Variants in SIK3 observed in about 807,000 individuals in gnomAD.
SIK3 encodes the protein SIK family kinase 3.
SIK3 carries 28 observed loss-of-function variants against 144.2 expected under a neutral mutation model. That is an observed-to-expected ratio of 0.19 (90% CI 0.14 to 0.27). The LOEUF (loss-of-function observed/expected upper bound fraction) is 0.27, where lower values mean the gene tolerates loss of function less well. Ranked by LOEUF, SIK3 falls within the 10% of genes least tolerant of loss-of-function variation. SIK3 has a pLI of 1.00. For missense variants in SIK3, 1,319 were observed against 1,776.0 expected (o/e 0.74, Z 4.62); for synonymous variants, 686 against 676.3 (o/e 1.01, Z -0.22).
chr11:117,041,028 T>G (rs1952720380), intron 1 of SIK3, among the ~76,000 whole-genome samples: 1 of 149,482 alleles, frequency 6.7e-6, no homozygotes, highest in Non-Finnish European at 1.5e-5. Context: ...TATTATTAAC[T>G]ATAGCCCTCA....
intron 1 of SIK3, among the ~76,000 whole-genome samples, chr11:117,006,669 A>T (rs1411361456): frequency 6.6e-6 from 1 of 152,118 alleles, no homozygotes; most frequent in South Asian, 2.1e-4. Context: ...AAGAAAAAAA[A>T]GATCTTCACA....
chr11:117,046,015 T>G (rs1441790899), intron 1 of SIK3, among the ~76,000 whole-genome samples: 1 of 152,244 alleles, frequency 6.6e-6, no homozygotes, highest in East Asian at 1.9e-4. Flanking sequence ...CAGTCTAATG[T>G]TTTTTATGAT....
At chr11:116,857,562 A>G in intron 21 of SIK3, 1 of 546,566 alleles carries the variant, frequency 1.8e-6, no homozygotes, top group African/African-American at 1.9e-5. Flanking sequence ...CTGTGGTATG[A>G]ATAAGGGAAA....
At chr11:116,999,013 A>T (rs1950763990) in intron 1 of SIK3, among the ~76,000 whole-genome samples, 1 of 152,240 alleles carries the variant, frequency 6.6e-6, no homozygotes, top group Non-Finnish European at 1.5e-5. Flanking sequence ...CCTCAAGAAC[A>T]AAGGTATATA....
chr11:116,953,716 G>A (rs1015271922), intron 3 of SIK3, among the ~76,000 whole-genome samples: 5 of 152,184 alleles, frequency 3.3e-5, no homozygotes, highest in African/African-American at 4.8e-5. Flanking sequence ...GAGTTCTGTC[G>A]CACTTGGTAA....
chr11:117,045,648 T>C (rs1952930494), intron 1 of SIK3, among the ~76,000 whole-genome samples: 1 of 152,230 alleles, frequency 6.6e-6, no homozygotes, highest in Non-Finnish European at 1.5e-5. Flanking sequence ...GTAGAGGAAA[T>C]TCTCTTTTTA....
intron 1 of SIK3, among the ~76,000 whole-genome samples, chr11:117,004,153 G>T (rs1232032346): frequency 1.3e-5 from 2 of 152,166 alleles, no homozygotes; most frequent in African/African-American, 4.8e-5. Context: ...TCTGAACTAA[G>T]ACAGGACTGA....
At position 116,868,301 on chromosome 11, in the gene SIK3, C is replaced by T. The variant is rs564112829; in HGVS notation, c.1809-212G>A. 2.6e-5 allele frequency among the ~76,000 whole-genome samples: 4 copies of T among 152,306 alleles called. No homozygotes were observed. The South Asian group carries it at 8.3e-4, about 32-fold the overall frequency. ...GACAATGAAGTGGCTGAATTTTGAA[C>T]CTAAGAATAGCCATTGAAGAGAAGA... On this transcript the variant is annotated intron_variant, in intron 14 of 24. Transcript: ENST00000445177.
chr11:117,023,621 A>AAAAAAAATATAT (rs754624841), intron 1 of SIK3, among the ~76,000 whole-genome samples: 20 of 95,406 alleles, frequency 2.1e-4, no homozygotes, highest in African/African-American at 8.3e-4. Context: ...AAAAAAAAAA[A>AAAAAAAATATAT]ATATATATAT....
chr11:116,862,350 A>G (rs771968319), intron 16 of SIK3, 23 bp from the exon 17 acceptor site: 6 of 1,613,946 alleles, frequency 3.7e-6, no homozygotes, highest in Non-Finnish European at 5.1e-6. Context: ...TAGTTAATAC[A>G]GATGGGATGC....
chr11:116,858,236 T>A lies in SIK3; in HGVS notation c.3229A>T (p.Ser1077Cys). ...FRHMNQGDAG[S>C]LAPSLGGQSM... ...TGTCCCCCAAGGCTGGGAGCCAGACTCCCCGCATCCCCTTGGTTCATGTGC... is the reference window on the plus strand; with the variant it reads ...TGTCCCCCAAGGCTGGGAGCCAGACACCCCGCATCCCCTTGGTTCATGTGC... The change falls in exon 21 of 25, where the codon AGT becomes TGT. Residue 1077 changes from serine to cysteine, a missense_variant. Physicochemically the swap from Ser to Cys is moderately radical, Grantham distance 112. Coordinates refer to ENST00000445177, the MANE Select transcript of SIK3 (RefSeq NM_001366686.3). This position sits in a 1 kb window ranked among gnomAD's most constrained non-coding sequence, Gnocchi z 5.4. 6.2e-7 allele frequency: 1 copy of A among 1,614,060 alleles called. No homozygotes were observed. Among genetic ancestry groups the A allele is most frequent in the Non-Finnish European group, 8.5e-7 (1 of 1,179,968 alleles).
chr11:117,048,715 C>T lies in SIK3; in HGVS notation c.273+49428G>A, dbSNP rs577600445. ...ACCAACTTCTTTCTCCCAGTATCTA[C>T]TAAGAAAGGTCTATGCGGTACATAT... On this transcript the variant is annotated intron_variant, in intron 1 of 24. Coordinates refer to ENST00000445177, the MANE Select transcript of SIK3 (RefSeq NM_001366686.3). 9.1e-4 allele frequency among the ~76,000 whole-genome samples: 139 copies of T among 152,210 alleles called. 1 individual carries two copies. Among genetic ancestry groups the T allele is most frequent in the African/African-American group, 3.2e-3 (133 of 41,534 alleles).
At chr11:117,047,095 T>C (rs1469128658) in intron 1 of SIK3, among the ~76,000 whole-genome samples, 1 of 152,238 alleles carries the variant, frequency 6.6e-6, no homozygotes, top group Non-Finnish European at 1.5e-5. Flanking sequence ...CATACTTTCC[T>C]TAATGAAAAC....
At chr11:117,087,804 C>T (rs764646301) in intron 1 of SIK3, among the ~76,000 whole-genome samples, 6 of 151,918 alleles carry the variant, frequency 3.9e-5, no homozygotes, top group Non-Finnish European at 8.8e-5. Flanking sequence ...ACAATATATC[C>T]GGAGCAAAAA....
In SIK3 at chr11:117,098,197, G is replaced by C. The variant is rs754270231; in HGVS notation, c.219C>G (p.Gly73=). The stretch of plus-strand genomic sequence containing the variant: ...GCTTGACCACCGCGAAGTTGCCCTT[G>C]CCGATGGTGCGGTCGATCTCGTAGT... ...IGYYEIDRTI[G]KGNFAVVKRA... is the part of the protein sequence containing the mutation. Residue 73 remains glycine, a synonymous_variant, in exon 1 of 25, where the codon GGC becomes GGG. Transcript: ENST00000445177. 6.6e-6 allele frequency: 10 copies of C among 1,523,522 alleles called. No individual in the cohort carries two copies. The highest frequency in any genetic ancestry group is 8.8e-6 in the Non-Finnish European group (10 of 1,135,870). 94.4% of individuals were successfully genotyped at this position (1,523,522 alleles called of 1,614,324 possible).
At chr11:116,896,206 TAACTTTCATG>T in intron 6 of SIK3, 37 bp downstream of exon 6, 1 of 1,604,582 alleles carries the variant, frequency 6.2e-7, no homozygotes, top group South Asian at 1.1e-5. Context: ...TGAGTGGGTC[TAACTTTCATG>T]AACCCATTCA....
intron 1 of SIK3, among the ~76,000 whole-genome samples, chr11:117,052,093 A>G (rs1953275033): frequency 6.6e-6 from 1 of 152,090 alleles, no homozygotes; most frequent in South Asian, 2.1e-4. Context: ...AGTTTGCAAG[A>G]TAGTGCCACT....
At chr11:117,026,553 A>G (rs1952018433) in intron 1 of SIK3, among the ~76,000 whole-genome samples, 1 of 152,246 alleles carries the variant, frequency 6.6e-6, no homozygotes, top group Non-Finnish European at 1.5e-5. Flanking sequence ...TAAGAACTTC[A>G]GCATGTACAT....
chr11:117,086,144 TA>T (rs983600774), intron 1 of SIK3, among the ~76,000 whole-genome samples: 8 of 152,160 alleles, frequency 5.3e-5, no homozygotes, highest in African/African-American at 1.9e-4. Context: ...TCCACAGTCA[TA>T]ACCCCACAAC....
Sources: allele counts gnomAD v4.1 joint callset (sites outside exome capture counted in the v4.1 genomes callset), GRCh38; gene constraint gnomAD v4.1.1; non-coding constraint Gnocchi (gnomAD v3.1); transcripts MANE v1.5; gene names NCBI Gene and HGNC (gene_info 2026-07-23, HGNC 2026-07-21).